MTDH: variants seen among roughly 807,000 people sequenced by gnomAD.
MTDH encodes the protein metadherin.
In MTDH, 34 loss-of-function variants were observed where a neutral mutation model predicts 72.7. The ratio of observed to expected loss-of-function variants is 0.47; its 90% CI spans 0.36 to 0.62. The LOEUF (loss-of-function observed/expected upper bound fraction) is 0.62. MTDH is among the 20% of genes least tolerant of loss of function. MTDH has a pLI of 0.00. For synonymous variants in MTDH, 266 were observed against 268.9 expected, an observed-to-expected ratio of 0.99 and a Z score of 0.10; for missense variants, 677 against 699.4, an observed-to-expected ratio of 0.97 and a Z score of 0.36.
chr8:97,706,124 T>C (rs1232300695), intron 7 of MTDH, among the ~76,000 whole-genome samples: 1 of 152,152 alleles, frequency 6.6e-6, no homozygotes, highest in Non-Finnish European at 1.5e-5. Flanking sequence ...AGGTTGAATA[T>C]TGTCATGACT....
intron 2 of MTDH, 141 bp from the exon 3 acceptor site, chr8:97,686,527 C>T (rs1813369632): frequency 5.1e-6 from 2 of 390,508 alleles, no homozygotes; most frequent in Admixed American, 9.6e-5. Flanking sequence ...TTATTTTTGC[C>T]ACTTAATATG....
At chr8:97,700,632 A>T (rs941983947) in intron 7 of MTDH, among the ~76,000 whole-genome samples, 1 of 152,232 alleles carries the variant, frequency 6.6e-6, no homozygotes, top group Admixed American at 6.6e-5. Context: ...TGTGCCAGGC[A>T]CTGGTCTTAG....
chr8:97,648,152 C>A (rs1291658199), intron 1 of MTDH, among the ~76,000 whole-genome samples: 2 of 151,018 alleles, frequency 1.3e-5, no homozygotes, highest in African/African-American at 4.9e-5. Flanking sequence ...GTTTTTTATC[C>A]CCTAATAAAA....
chr8:97,721,554 G>A (rs145720507), intron 10 of MTDH, among the ~76,000 whole-genome samples: 87 of 152,104 alleles, frequency 5.7e-4, no homozygotes, highest in African/African-American at 1.8e-3. Flanking sequence ...TTGCTTTCTC[G>A]AATCTATGGG....
At chr8:97,657,134 G>A (rs1260808411) in intron 1 of MTDH, among the ~76,000 whole-genome samples, 3 of 152,044 alleles carry the variant, frequency 2.0e-5, no homozygotes, top group African/African-American at 7.2e-5. Flanking sequence ...TACATACAAA[G>A]TGTTCCTTTG....
intron 2 of MTDH, among the ~76,000 whole-genome samples, chr8:97,676,819 T>C (rs1345707170): frequency 6.6e-6 from 1 of 151,428 alleles, no homozygotes; most frequent in Non-Finnish European, 1.5e-5. Context: ...CTGGCTAACA[T>C]GGTGAAACCC....
chr8:97,665,472 C>T (rs940634428), intron 2 of MTDH, among the ~76,000 whole-genome samples: 3 of 151,936 alleles, frequency 2.0e-5, no homozygotes, highest in African/African-American at 7.3e-5. Context: ...AGATTACAGG[C>T]TAGTTAAGGA....
intron 2 of MTDH, among the ~76,000 whole-genome samples, chr8:97,668,702 C>T (rs1812488641): frequency 6.6e-6 from 1 of 151,856 alleles, no homozygotes; most frequent in African/African-American, 2.4e-5. Context: ...TTACAGGCGC[C>T]CACCATGACG....
chr8:97,669,455 A>G (rs1363524630), intron 2 of MTDH, among the ~76,000 whole-genome samples: 2 of 151,908 alleles, frequency 1.3e-5, no homozygotes, highest in Non-Finnish European at 2.9e-5. Context: ...GCACCACAAT[A>G]TATAATTTTA....
At position 97,706,696 on chromosome 8, in the gene MTDH, CGAA is replaced by C. The variant is rs1814369060; in HGVS notation, c.1222_1224del (p.Glu408del). ...CAGAAGAGTGGGGCAATTGGGTAGA[CGAA>C]GAAAGAGCTTCACTTCTAAAGTCCC... On this transcript the variant is annotated inframe_deletion, in exon 8 of 12. Transcript: ENST00000336273. 1 of 1,613,562 alleles carries C rather than the reference CGAA, an allele frequency of 6.2e-7. No homozygotes were observed. The highest frequency in any genetic ancestry group is 1.3e-5 in the African/African-American group (1 of 74,844).
In MTDH at chr8:97,665,227, A is replaced by G. The variant is rs572784229; in HGVS notation, c.483+4054A>G. ...GCTGTGATATTGATTACCTTGCCAT[A>G]TCACTTGAGTAAGCCTTGTAGATAA... On this transcript the variant is annotated intron_variant, in intron 2 of 11. Coordinates refer to ENST00000336273, the MANE Select transcript of MTDH (RefSeq NM_178812.4). Among the ~76,000 whole-genome samples the G allele has an allele frequency of 3.9e-5, 6 of 152,332 alleles. No individual in the cohort carries two copies. The South Asian group carries it at 6.2e-4, about 16-fold the overall frequency.
intron 2 of MTDH, among the ~76,000 whole-genome samples, chr8:97,680,302 C>A (rs938048369): frequency 6.6e-6 from 1 of 152,074 alleles, no homozygotes; most frequent in African/African-American, 2.4e-5. Context: ...AAACTCCTGG[C>A]CTCAATCGGT....
chr8:97,706,884 G>T, intron 8 of MTDH, 134 bp downstream of exon 8: 1 of 974,468 alleles, frequency 1.0e-6, no homozygotes, highest in Non-Finnish European at 1.4e-6. Context: ...TTCAAGGCCA[G>T]CCTGGGCAAC....
intron 10 of MTDH, among the ~76,000 whole-genome samples, chr8:97,720,646 CTT>C (rs34801268): frequency 1.4e-4 from 18 of 126,492 alleles, no homozygotes; most frequent in Non-Finnish European, 1.8e-4. Context: ...GTCTATTTGA[CTT>C]TTTTTTTTTT....
At position 97,681,181 on chromosome 8, in the gene MTDH, T is replaced by A. The variant is rs1206464460; in HGVS notation, c.484-5487T>A. 3.3e-5 allele frequency among the ~76,000 whole-genome samples: 5 copies of A among 152,056 alleles called. No homozygotes were observed. In the East Asian group the frequency reaches 7.7e-4, roughly 23 times the overall value. On this transcript the variant is annotated intron_variant, in intron 2 of 11. Coordinates refer to ENST00000336273, the MANE Select transcript of MTDH (RefSeq NM_178812.4). ...CATTGAACATCGGTAGGGGAGCAGATGATTCAGGTGCAAAGAAAATCACTC... is the reference window on the plus strand; with the variant it reads ...CATTGAACATCGGTAGGGGAGCAGAAGATTCAGGTGCAAAGAAAATCACTC...
chr8:97,651,579 G>A (rs2468025), intron 1 of MTDH, among the ~76,000 whole-genome samples: 72,243 of 152,142 alleles, frequency 0.47, 19,904 homozygotes, highest in African/African-American at 0.75. Flanking sequence ...GTGCATGTGC[G>A]TGTCCAGAAA....
intron 9 of MTDH, among the ~76,000 whole-genome samples, chr8:97,718,412 A>AT (rs1814963830): frequency 6.6e-6 from 1 of 152,182 alleles, no homozygotes; most frequent in African/African-American, 2.4e-5. Context: ...CCTTTCTACT[A>AT]TGTAAGCTTA....
chr8:97,712,486 A>G (rs372144121), intron 8 of MTDH, among the ~76,000 whole-genome samples: 1 of 152,054 alleles, frequency 6.6e-6, no homozygotes, highest in South Asian at 2.1e-4. Context: ...CCATTTACCT[A>G]TTGAAGGACA....
intron 2 of MTDH, among the ~76,000 whole-genome samples, chr8:97,680,804 A>G (rs573557269): frequency 2.6e-5 from 4 of 152,324 alleles, no homozygotes; most frequent in Non-Finnish European, 5.9e-5. Flanking sequence ...CAAATGCTAG[A>G]CAGGCTTCCT....
Sources: allele counts gnomAD v4.1 joint callset (sites outside exome capture counted in the v4.1 genomes callset), GRCh38; gene constraint gnomAD v4.1.1; transcripts MANE v1.5; gene names NCBI Gene and HGNC (gene_info 2026-07-23, HGNC 2026-07-21).